Variants in SUGCT observed in about 807,000 individuals in gnomAD.
The protein encoded by SUGCT is succinyl-CoA:glutarate-CoA transferase.
SUGCT carries 41 observed loss-of-function variants against 55.0 expected under a neutral mutation model. The observed-to-expected ratio is 0.74, with a 90% CI of 0.58 to 0.97. The LOEUF is 0.97. Ranked by LOEUF, SUGCT falls within the 50% of genes least tolerant of loss-of-function variation. SUGCT has a pLI of 0.00. For synonymous variants in SUGCT, 187 were observed against 200.4 expected (o/e 0.93, Z 0.56); for missense variants, 568 against 547.8 (o/e 1.04, Z -0.37).
chr7:40,702,462 T>C (rs1785208209), intron 12 of SUGCT, among the ~76,000 whole-genome samples: 1 of 152,222 alleles, frequency 6.6e-6, no homozygotes, highest in Non-Finnish European at 1.5e-5. Flanking sequence ...TCATTACCTC[T>C]AACAGCCACA....
At chr7:40,588,244 ATTATAC>A (rs1006123758) in intron 12 of SUGCT, among the ~76,000 whole-genome samples, 1 of 149,142 alleles carries the variant, frequency 6.7e-6, no homozygotes, top group East Asian at 1.9e-4. Context: ...TTTTTTTTTA[ATTATAC>A]TTTTAAGTTT....
chr7:40,153,239 T>C, intron 1 of SUGCT: 1 of 396,386 alleles, frequency 2.5e-6, no homozygotes, highest in East Asian at 7.9e-5. Context: ...TTTGGCATCT[T>C]GCAGAGATGA....
intron 9 of SUGCT, among the ~76,000 whole-genome samples, chr7:40,439,935 G>A (rs2151407399): frequency 6.6e-6 from 1 of 152,226 alleles, no homozygotes. Context: ...TGTAATGGAA[G>A]TCTACTTTGT....
At chr7:40,272,095 C>CTCTCTATA (rs1554299494) in intron 7 of SUGCT, among the ~76,000 whole-genome samples, 1 of 85,422 alleles carries the variant, frequency 1.2e-5, no homozygotes, top group South Asian at 3.9e-4. Flanking sequence ...CTCTCTCTCT[C>CTCTCTATA]TATATATATA....
At chr7:40,145,290 T>C (rs918120404) in intron 1 of SUGCT, among the ~76,000 whole-genome samples, 1 of 152,184 alleles carries the variant, frequency 6.6e-6, no homozygotes, top group African/African-American at 2.4e-5. Flanking sequence ...TCTTCAATAG[T>C]TTTACAATCA....
intron 13 of SUGCT, among the ~76,000 whole-genome samples, chr7:40,809,326 T>C (rs758582540): frequency 6.6e-6 from 1 of 152,170 alleles, no homozygotes; most frequent in Non-Finnish European, 1.5e-5. Context: ...TATCTGTTAT[T>C]TTTTACCATA....
At chr7:40,300,678 C>T (rs1794476644) in intron 8 of SUGCT, among the ~76,000 whole-genome samples, 2 of 152,092 alleles carry the variant, frequency 1.3e-5, no homozygotes, top group Admixed American at 6.5e-5. Flanking sequence ...GAGGTCTCTT[C>T]GGGGTGATGC....
chr7:40,265,778 C>G (rs1791529312), intron 7 of SUGCT, among the ~76,000 whole-genome samples: 2 of 152,096 alleles, frequency 1.3e-5, no homozygotes, highest in African/African-American at 4.8e-5. Flanking sequence ...TGATGAAACC[C>G]CGTCTCTACT....
intron 13 of SUGCT, among the ~76,000 whole-genome samples, chr7:40,790,614 G>T (rs972320176): frequency 2.0e-5 from 3 of 152,282 alleles, no homozygotes; most frequent in African/African-American, 2.4e-5. Flanking sequence ...GAAATTATTT[G>T]CAGACAAATA....
intron 13 of SUGCT, among the ~76,000 whole-genome samples, chr7:40,838,991 CT>C (rs956134067): frequency 1.3e-5 from 2 of 148,778 alleles, no homozygotes; most frequent in African/African-American, 4.9e-5. Context: ...CATCTAATAC[CT>C]TTTCTGCATC....
chr7:40,784,237 G>A (rs773609514), intron 13 of SUGCT, among the ~76,000 whole-genome samples: 8 of 152,102 alleles, frequency 5.3e-5, no homozygotes, highest in Non-Finnish European at 1.0e-4. Context: ...GGGGTAGTGA[G>A]TTTCATAGCT....
intron 9 of SUGCT, among the ~76,000 whole-genome samples, chr7:40,430,913 G>A (rs999013667): frequency 6.6e-6 from 1 of 151,816 alleles, no homozygotes. Context: ...TCAGAAGTTC[G>A]AGACCAGCCT....
At chr7:40,180,292 T>C (rs370380045) in intron 1 of SUGCT, among the ~76,000 whole-genome samples, 2 of 151,814 alleles carry the variant, frequency 1.3e-5, no homozygotes, top group African/African-American at 4.8e-5. Flanking sequence ...CTATTTTTTG[T>C]ATTGTTAGTA....
chr7:41,035,822 CT>C, the SUGCT span, among the ~76,000 whole-genome samples: 1 of 152,206 alleles, frequency 6.6e-6, no homozygotes, highest in Non-Finnish European at 1.5e-5. Flanking sequence ...TCCACACAGC[CT>C]GCACTGCCGA....
At chr7:40,263,243 G>T (rs1220987789) in intron 7 of SUGCT, among the ~76,000 whole-genome samples, 1 of 152,148 alleles carries the variant, frequency 6.6e-6, no homozygotes, top group African/African-American at 2.4e-5. Context: ...CTCATGAATT[G>T]TAAAATAGTG....
chr7:41,015,383 C>A, the SUGCT span, among the ~76,000 whole-genome samples: 2 of 152,114 alleles, frequency 1.3e-5, no homozygotes, highest in Admixed American at 6.5e-5. Context: ...TTTAAGTGGT[C>A]ATGAGCAGAG....
intron 1 of SUGCT, among the ~76,000 whole-genome samples, chr7:40,155,088 C>T (rs189801018): frequency 7.2e-5 from 11 of 152,204 alleles, no homozygotes; most frequent in Admixed American, 2.6e-4. Flanking sequence ...GAGTTGGAGA[C>T]CAGCCTCGCC....
Position 40,144,092 on chromosome 7 carries a change from A to G in SUGCT, c.100+8972A>G, listed in dbSNP as rs1452721238. On this transcript the variant is annotated intron_variant, in intron 1 of 13. Transcript: ENST00000335693. ...CATAAAAGCTCTACACTGGGGGGCA[A>G]GACTCCTGGTTGACACTGGGGTCTT... Among the ~76,000 whole-genome samples the G allele has an allele frequency of 2.6e-5, 4 of 152,306 alleles. No individual in the cohort carries two copies. The East Asian group carries it at 7.7e-4, about 29-fold the overall frequency.
In SUGCT at chr7:40,459,239, T is replaced by C. The variant is rs768786841; in HGVS notation, c.986+41T>C. ...GTATTCATCCATTTAAGAATTAATA[T>C]GTGATAAGCATTTATCTGGTGTTTT... is the stretch of plus-strand genomic sequence containing the variant. On this transcript the variant is annotated intron_variant, in intron 11 of 13. Transcript: ENST00000335693. 11 of 1,288,422 alleles carry C rather than the reference T, an allele frequency of 8.5e-6. No individual in the cohort carries two copies. In the East Asian group the frequency reaches 2.6e-4, roughly 30 times the overall value. The allele number at this position is 1,288,422 out of a possible 1,614,324, so 79.8% of individuals were successfully genotyped here.
Sources: gnomAD v4.1 joint callset for allele counts (sites outside exome capture counted in the v4.1 genomes callset) on GRCh38, gnomAD v4.1.1 for gene constraint, MANE v1.5 for transcripts, NCBI Gene and HGNC (gene_info 2026-07-23, HGNC 2026-07-21) for gene names.